LRBA: variants seen among roughly 807,000 people sequenced by gnomAD.
The protein encoded by LRBA is LPS responsive beige-like anchor protein, also known as lipopolysaccharide-responsive and beige-like anchor protein.
LRBA carries 176 observed loss-of-function variants against 330.0 expected under a neutral mutation model. The observed-to-expected ratio is 0.53, with a 90% CI of 0.47 to 0.60. The LOEUF is 0.60. LRBA is among the 20% of genes least tolerant of loss of function. The probability of loss-of-function intolerance (pLI) is 0.00; values close to 1 mark genes in which losing one functional copy is unlikely to be tolerated. For synonymous variants in LRBA, 1,230 were observed against 1,193.0 expected (o/e 1.03, Z -0.64); for missense variants, 3,259 against 3,444.8 (o/e 0.95, Z 1.35).
intron 44 of LRBA, among the ~76,000 whole-genome samples, chr4:150,440,232 A>G (rs1751646227): frequency 6.6e-6 from 1 of 152,154 alleles, no homozygotes; most frequent in African/African-American, 2.4e-5. Flanking sequence ...AAATCAGTAA[A>G]AGTAAGTATT....
At chr4:150,782,076 T>C (rs1738321651) in intron 34 of LRBA, among the ~76,000 whole-genome samples, 1 of 152,036 alleles carries the variant, frequency 6.6e-6, no homozygotes, top group Non-Finnish European at 1.5e-5. Flanking sequence ...CCAGCTAATT[T>C]TTGCATATTT....
chr4:150,278,053 CG>C (rs1560952247), intron 55 of LRBA, 49 bp from the exon 56 acceptor site: 1 of 1,566,786 alleles, frequency 6.4e-7, no homozygotes, highest in Non-Finnish European at 8.7e-7. Context: ...AGGAAACTTT[CG>C]GCCCCCACCC....
chr4:150,971,338 T>C (rs886406578), intron 2 of LRBA, among the ~76,000 whole-genome samples: 2 of 152,172 alleles, frequency 1.3e-5, no homozygotes, highest in African/African-American at 4.8e-5. Context: ...ATCAGACACA[T>C]ACTGTCACAT....
chr4:150,656,648 G>A (rs974980562), intron 37 of LRBA, among the ~76,000 whole-genome samples: 2 of 152,132 alleles, frequency 1.3e-5, no homozygotes, highest in African/African-American at 4.8e-5. Context: ...TCCCTTGATT[G>A]CAGAAGTAGT....
At chr4:150,601,068 C>A (rs1774066335) in intron 37 of LRBA, among the ~76,000 whole-genome samples, 1 of 152,176 alleles carries the variant, frequency 6.6e-6, no homozygotes, top group South Asian at 2.1e-4. Flanking sequence ...TCCTACAAAG[C>A]CTATTTCAGT....
chr4:150,544,799 T>A (rs562513195), intron 40 of LRBA, among the ~76,000 whole-genome samples: 12 of 152,342 alleles, frequency 7.9e-5, no homozygotes, highest in African/African-American at 2.4e-4. Flanking sequence ...GCAGGGCTCA[T>A]ATGCATTGCA....
At chr4:150,538,259 C>G (rs564665832) in intron 40 of LRBA, among the ~76,000 whole-genome samples, 26 of 152,200 alleles carry the variant, frequency 1.7e-4, no homozygotes, top group African/African-American at 6.0e-4. Flanking sequence ...ACAGAACTAC[C>G]ATTTGACCCA....
intron 37 of LRBA, among the ~76,000 whole-genome samples, chr4:150,678,610 G>C (rs1005084674): frequency 6.6e-6 from 1 of 152,092 alleles, no homozygotes; most frequent in African/African-American, 2.4e-5. Flanking sequence ...TGTTTTGTTA[G>C]CTATTGATTT....
Position 150,557,594 on chromosome 4 carries a change from T to G in LRBA, c.6330+30454A>C, listed in dbSNP as rs546446780. Among the ~76,000 whole-genome samples, 373 of 152,202 alleles carry G rather than the reference T, an allele frequency of 2.5e-3. 2 individuals carry two copies. Among genetic ancestry groups the G allele is most frequent in the African/African-American group, 8.4e-3 (349 of 41,520 alleles). On this transcript the variant is annotated intron_variant, in intron 40 of 56. Transcript: ENST00000651943. ...TCTGGATTTTAATGGTTTTTAAGAC[T>G]TTTCGTGGTTTTGATGACCTTTGAC...
At chr4:150,791,517 AAATG>A (rs1739907860) in intron 34 of LRBA, among the ~76,000 whole-genome samples, 1 of 152,214 alleles carries the variant, frequency 6.6e-6, no homozygotes, top group African/African-American at 2.4e-5. Flanking sequence ...TTTGCTAAAT[AAATG>A]AATAAATAAT....
chr4:151,009,602 C>G (rs1180935910), intron 2 of LRBA, among the ~76,000 whole-genome samples: 1 of 151,214 alleles, frequency 6.6e-6, no homozygotes, highest in Non-Finnish European at 1.5e-5. Context: ...TAAGTCCTAG[C>G]TACTCAGGAG....
At chr4:150,728,556 A>C (rs1286656532) in intron 36 of LRBA, among the ~76,000 whole-genome samples, 2 of 152,122 alleles carry the variant, frequency 1.3e-5, no homozygotes, top group Admixed American at 1.3e-4. Context: ...CAAATCAATC[A>C]ATCAATGTGA....
intron 37 of LRBA, among the ~76,000 whole-genome samples, chr4:150,658,013 C>G (rs4270570): frequency 0.88 from 133,076 of 152,044 alleles, 59,149 homozygotes; most frequent in Non-Finnish European, 0.95. Context: ...GACCCACTTG[C>G]CTAGTGTGTA....
At chr4:150,843,470 T>C (rs1749403858) in intron 28 of LRBA, among the ~76,000 whole-genome samples, 1 of 152,212 alleles carries the variant, frequency 6.6e-6, no homozygotes, top group African/African-American at 2.4e-5. Flanking sequence ...TTAAATTGTC[T>C]ACATAAGAAT....
intron 40 of LRBA, 136 bp downstream of exon 40, chr4:150,587,912 A>G (rs1772318921): frequency 2.4e-6 from 2 of 838,732 alleles, no homozygotes; most frequent in South Asian, 5.0e-5. Flanking sequence ...ACTAAAGAAG[A>G]TAATGACATT....
In LRBA at chr4:150,916,749, G is replaced by GA; in HGVS notation, c.646-12dup. On this transcript the variant is annotated splice_polypyrimidine_tract_variant and intron_variant, in intron 5 of 56. Coordinates refer to ENST00000651943, the MANE Select transcript of LRBA (RefSeq NM_001364905.1). ...AGGTAATGCAATAGCCTAAAGGAAA[G>GA]AAACTTTGAGTTATTAACTCACGTG... is the stretch of plus-strand genomic sequence containing the variant. 1 of 1,524,274 alleles carries GA rather than the reference G, an allele frequency of 6.6e-7. No individual in the cohort carries two copies. Among genetic ancestry groups the GA allele is most frequent in the East Asian group, 2.3e-5 (1 of 43,692 alleles). The allele number at this position is 1,524,274 out of a possible 1,614,324, so 94.4% of individuals were successfully genotyped here.
At chr4:150,896,264 T>C (rs1730070576) in intron 16 of LRBA, 130 bp downstream of exon 16, 9 of 546,166 alleles carry the variant, frequency 1.6e-5, no homozygotes. Flanking sequence ...AGGGCTTAGT[T>C]CCTAAGTAGA....
At chr4:150,480,578 T>C (rs1011318521) in intron 42 of LRBA, among the ~76,000 whole-genome samples, 2 of 152,096 alleles carry the variant, frequency 1.3e-5, no homozygotes, top group African/African-American at 2.4e-5. Context: ...TAATAAACAC[T>C]TTTTTAAAAC....
chr4:150,780,508 C>T (rs946669512), intron 34 of LRBA, among the ~76,000 whole-genome samples: 4 of 151,670 alleles, frequency 2.6e-5, no homozygotes, highest in Non-Finnish European at 4.4e-5. Flanking sequence ...TAATGACTTT[C>T]CTGGTGTACA....
Sources: allele counts gnomAD v4.1 joint callset (sites outside exome capture counted in the v4.1 genomes callset), GRCh38; gene constraint gnomAD v4.1.1; transcripts MANE v1.5; gene names NCBI Gene and HGNC (gene_info 2026-07-23, HGNC 2026-07-21).